The following LIN28B variants were observed in gnomAD, a reference collection of about 807,000 sequenced individuals.
The protein encoded by LIN28B is protein lin-28 homolog B.
LIN28B carries 5 observed loss-of-function variants against 21.9 expected under a neutral mutation model. The observed-to-expected ratio is 0.23, with a 90% confidence interval of 0.12 to 0.48. The LOEUF (loss-of-function observed/expected upper bound fraction) is 0.48. Ranked by LOEUF, LIN28B falls within the 20% of genes least tolerant of loss-of-function variation. The probability of loss-of-function intolerance (pLI) is 0.98; values close to 1 mark genes in which losing one functional copy is unlikely to be tolerated. For synonymous variants in LIN28B, 109 were observed against 111.3 expected (o/e 0.98, Z 0.13); for missense variants, 245 against 310.5 (o/e 0.79, Z 1.58).
intron 2 of LIN28B, among the ~76,000 whole-genome samples, chr6:104,978,611 A>G (rs1582875600): frequency 1.3e-5 from 2 of 151,820 alleles, no homozygotes; most frequent in African/African-American, 4.8e-5. Flanking sequence ...TACAATTGCT[A>G]TAATGCAGAG....
intron 3 of LIN28B, among the ~76,000 whole-genome samples, chr6:105,067,261 A>G (rs1772236504): frequency 6.6e-6 from 1 of 152,200 alleles, no homozygotes; most frequent in Non-Finnish European, 1.5e-5. Flanking sequence ...CTTTAACTCA[A>G]AGGTCAGTAA....
intron 3 of LIN28B, 59 bp from the exon 4 acceptor site, chr6:105,078,355 A>G: frequency 6.7e-7 from 1 of 1,481,906 alleles, no homozygotes; most frequent in Non-Finnish European, 9.1e-7. Flanking sequence ...ACATTTTAAA[A>G]TGTGTTTTTG....
intron 3 of LIN28B, among the ~76,000 whole-genome samples, chr6:105,045,239 ATT>A (rs1771728345): frequency 6.8e-6 from 1 of 147,748 alleles, no homozygotes; most frequent in Admixed American, 6.8e-5. Context: ...AATAATAACT[ATT>A]ATTATTTAAT....
chr6:105,012,133 G>A (rs958729093), intron 2 of LIN28B, among the ~76,000 whole-genome samples: 2 of 151,906 alleles, frequency 1.3e-5, no homozygotes, highest in African/African-American at 4.8e-5. Flanking sequence ...ACTTCAGCCT[G>A]GGTGACAGAG....
intron 2 of LIN28B, among the ~76,000 whole-genome samples, chr6:104,978,635 A>AGG (rs1391685019): frequency 6.6e-6 from 1 of 152,022 alleles, no homozygotes; most frequent in Non-Finnish European, 1.5e-5. Context: ...GTCCGATAAA[A>AGG]GGGGTGATGG....
At chr6:105,030,994 G>T in intron 3 of LIN28B, among the ~76,000 whole-genome samples, 1 of 151,510 alleles carries the variant, frequency 6.6e-6, no homozygotes, top group Non-Finnish European at 1.5e-5. Context: ...AAAATTTTTA[G>T]AATACAAAAA....
intron 2 of LIN28B, among the ~76,000 whole-genome samples, chr6:104,967,667 T>TTTAA: frequency 6.8e-6 from 1 of 147,280 alleles, no homozygotes; most frequent in South Asian, 2.1e-4. Context: ...AAAATTTTTA[T>TTTAA]TTAATTAATT....
chr6:105,052,995 CATAAACAG>C (rs1686739105), intron 3 of LIN28B, among the ~76,000 whole-genome samples: 1 of 152,018 alleles, frequency 6.6e-6, no homozygotes, highest in African/African-American at 2.4e-5. Context: ...TCTTTTCTAA[CATAAACAG>C]ATAAAGTTTT....
At chr6:104,970,775 G>A (rs977713948) in intron 2 of LIN28B, among the ~76,000 whole-genome samples, 44 of 152,038 alleles carry the variant, frequency 2.9e-4, no homozygotes, top group South Asian at 2.1e-4. Flanking sequence ...ATACGTTATA[G>A]GACTACATGT....
At chr6:104,963,196 G>A (rs1443859863) in intron 2 of LIN28B, among the ~76,000 whole-genome samples, 3 of 151,986 alleles carry the variant, frequency 2.0e-5, no homozygotes, top group African/African-American at 4.8e-5. Flanking sequence ...ACAGGCGCCC[G>A]CCACCACGCC....
chr6:104,957,343 C>A, intron 1 of LIN28B, 83 bp downstream of exon 1: 2 of 722,134 alleles, frequency 2.8e-6, no homozygotes, highest in East Asian at 3.3e-5. Flanking sequence ...CTTCTTAGAC[C>A]GTCCCCCCCT....
intron 2 of LIN28B, among the ~76,000 whole-genome samples, chr6:104,942,295 T>C (rs1778105532): frequency 6.6e-6 from 1 of 152,166 alleles, no homozygotes; most frequent in Admixed American, 6.5e-5. Context: ...CTTAAAGTGA[T>C]TTTTAATCAA....
upstream of LIN28B, among the ~76,000 whole-genome samples, chr6:104,953,250 G>A (rs1210690851): frequency 1.3e-5 from 2 of 152,106 alleles, no homozygotes; most frequent in Non-Finnish European, 2.9e-5. Flanking sequence ...GTTTGCCATC[G>A]CGGCTTCCCG....
upstream of LIN28B, among the ~76,000 whole-genome samples, chr6:104,955,987 G>A (rs1778283912): frequency 3.9e-5 from 6 of 152,096 alleles, no homozygotes; most frequent in South Asian, 1.2e-3. Context: ...GGTCAGTTGA[G>A]GAAGGACAGT....
chr6:105,020,107 C>CTTTT (rs1158938023), intron 2 of LIN28B, among the ~76,000 whole-genome samples: 28 of 87,606 alleles, frequency 3.2e-4, no homozygotes, highest in East Asian at 6.6e-4. Context: ...TCCTGTTATT[C>CTTTT]TTTTTTTTTT....
chr6:105,044,243 C>T (rs894253436), intron 3 of LIN28B, among the ~76,000 whole-genome samples: 3 of 152,094 alleles, frequency 2.0e-5, no homozygotes, highest in Admixed American at 6.6e-5. Context: ...TGATTTCTTC[C>T]ATACGTTACT....
intron 3 of LIN28B, among the ~76,000 whole-genome samples, chr6:105,073,958 A>AT (rs1359655600): frequency 1.3e-5 from 2 of 152,222 alleles, no homozygotes; most frequent in Non-Finnish European, 2.9e-5. Context: ...TTTAATGGTC[A>AT]TAGCAGATCT....
chr6:105,046,411 T>TTAA (rs1226548516), intron 3 of LIN28B, among the ~76,000 whole-genome samples: 1 of 152,252 alleles, frequency 6.6e-6, no homozygotes, highest in Non-Finnish European at 1.5e-5. Flanking sequence ...TAATCCAGTC[T>TTAA]ATCATTGATG....
At chr6:105,075,578 A>T (rs781411352) in intron 3 of LIN28B, among the ~76,000 whole-genome samples, 1 of 152,266 alleles carries the variant, frequency 6.6e-6, no homozygotes, top group Non-Finnish European at 1.5e-5. Flanking sequence ...ATGATAGCAC[A>T]TATCAGGAAA....
Sources: gnomAD v4.1 joint callset for allele counts (sites outside exome capture counted in the v4.1 genomes callset) on GRCh38, gnomAD v4.1.1 for gene constraint, MANE v1.5 for transcripts, NCBI Gene and HGNC (gene_info 2026-07-23, HGNC 2026-07-21) for gene names.